Variants in PCDHGA10 observed in about 807,000 individuals in gnomAD.
PCDHGA10 encodes protocadherin gamma-A10.
PCDHGA10 carries 42 observed loss-of-function variants against 59.5 expected under a neutral mutation model. The ratio of observed to expected loss-of-function variants is 0.71; its 90% CI spans 0.55 to 0.91. The LOEUF is 0.91. Among genes scored for constraint, PCDHGA10 ranks in the 40% least tolerant of loss-of-function variants. The pLI, the probability that PCDHGA10 is intolerant of heterozygous loss-of-function variation, is 0.00. For missense variants in PCDHGA10, 1,111 were observed against 1,198.2 expected, an observed-to-expected ratio of 0.93 and a Z score of 1.07; for synonymous variants, 511 against 517.2, an observed-to-expected ratio of 0.99 and a Z score of 0.16.
At chr5:141,417,646 C>A in intron 1 of PCDHGA10, 2 of 797,870 alleles carry the variant, frequency 2.5e-6, no homozygotes, top group Non-Finnish European at 3.8e-6. Context: ...GATCCCTCAG[C>A]CTCTAGCCTG....
chr5:141,413,533 C>T lies in PCDHGA10; in HGVS notation c.358C>T (p.Leu120Phe), dbSNP rs777022301. 1 of 1,613,934 alleles carries T rather than the reference C, an allele frequency of 6.2e-7. No individual in the cohort carries two copies. The highest frequency in any genetic ancestry group is 1.7e-5 in the Admixed American group (1 of 60,026). Residue 120 changes from leucine to phenylalanine, a missense_variant, in exon 1 of 4, where the codon CTT (leucine) becomes TTT (phenylalanine). By Grantham distance (22) the Leu-to-Phe change is conservative. Coordinates refer to ENST00000398610, the MANE Select transcript of PCDHGA10 (RefSeq NM_018913.3). ...TATCCTTGTGGAAGACAGGGTGAAA[C>T]TTTTTGGGATAGAAATAGAAGTAAC... ...FNILVEDRVKLFGIEIEVTDI... is the reference protein window; with the variant it reads ...FNILVEDRVKFFGIEIEVTDI...
chr5:141,413,600 T>C lies in PCDHGA10; in HGVS notation c.425T>C (p.Leu142Pro), dbSNP rs767830855. The C allele has an allele frequency of 3.7e-6, 6 of 1,613,868 alleles. No individual in the cohort carries two copies. The Admixed American group carries it at 8.3e-5, about 22-fold the overall frequency. ...DNAPKFQAEN[L>P]DVKINENVAA... Reference sequence around the variant, plus strand: ...GCTCCAAAATTCCAAGCAGAAAATCTAGACGTAAAAATTAATGAAAATGTC... The same window carrying C: ...GCTCCAAAATTCCAAGCAGAAAATCCAGACGTAAAAATTAATGAAAATGTC... The change falls in exon 1 of 4, where the codon CTA (leucine) becomes CCA (proline). Residue 142 changes from leucine to proline, a missense_variant. Physicochemically the swap from Leu to Pro is moderately conservative, Grantham distance 98 (BLOSUM62 -3). Transcript: ENST00000398610.
intron 1 of PCDHGA10, among the ~76,000 whole-genome samples, chr5:141,464,139 C>T (rs1200161549): frequency 6.6e-6 from 1 of 151,928 alleles, no homozygotes; most frequent in Admixed American, 6.6e-5. Flanking sequence ...GTGGTGGGCG[C>T]CTGTAGTCCC....
chr5:141,473,894 T>C (rs1224416966), intron 1 of PCDHGA10, among the ~76,000 whole-genome samples: 1 of 152,134 alleles, frequency 6.6e-6, no homozygotes, highest in Non-Finnish European at 1.5e-5. Context: ...GTTCTGTTGG[T>C]TCATGAAGAG....
chr5:141,450,569 T>G (rs1325535745), intron 1 of PCDHGA10, among the ~76,000 whole-genome samples: 1 of 149,800 alleles, frequency 6.7e-6, no homozygotes, highest in African/African-American at 2.5e-5. Flanking sequence ...TCACTGCAAC[T>G]TCTGCCTCCC....
At chr5:141,466,058 C>T (rs970494567) in intron 1 of PCDHGA10, among the ~76,000 whole-genome samples, 2 of 152,046 alleles carry the variant, frequency 1.3e-5, no homozygotes, top group African/African-American at 4.8e-5. Flanking sequence ...GGAGACGGAG[C>T]TTGCAGTGAG....
In PCDHGA10 at chr5:141,489,493, G is replaced by C. The variant is rs1485293604; in HGVS notation, c.2437-5314G>C. 3 of 1,614,078 alleles carry C rather than the reference G, an allele frequency of 1.9e-6. No homozygotes were observed. The South Asian group carries it at 3.3e-5, about 18-fold the overall frequency. On this transcript the variant is annotated intron_variant, in intron 1 of 3. Coordinates refer to ENST00000398610, the MANE Select transcript of PCDHGA10 (RefSeq NM_018913.3). This position sits in a 1 kb window ranked among gnomAD's most constrained non-coding sequence, Gnocchi z 4.5. Reference sequence around the variant, plus strand: ...CCTGAGCTTGATGAGTGGTGCCCTGGCAGTGAATCAAAAGATTGACCGAGA... The same window carrying C: ...CCTGAGCTTGATGAGTGGTGCCCTGCCAGTGAATCAAAAGATTGACCGAGA...
chr5:141,512,942 C>T lies in PCDHGA10; in HGVS notation c.*1769C>T, dbSNP rs1596321854. 3.3e-5 allele frequency: 5 copies of T among 151,644 alleles called. No individual in the cohort carries two copies. The South Asian group carries it at 1.0e-3, about 32-fold the overall frequency. The allele number at this position is 151,644 out of a possible 1,614,324, so 9.4% of individuals were successfully genotyped here. On this transcript the variant is annotated 3_prime_UTR_variant, in exon 4 of 4. Transcript: ENST00000398610. Reference sequence around the variant, plus strand: ...TAATATTTATATGGCTTTTTTTCTTCGACAAAAAAATAATAAAACGTTTCT... The same window carrying T: ...TAATATTTATATGGCTTTTTTTCTTTGACAAAAAAATAATAAAACGTTTCT...
chr5:141,502,518 T>C (rs1388007900), intron 2 of PCDHGA10, among the ~76,000 whole-genome samples: 1 of 152,184 alleles, frequency 6.6e-6, no homozygotes, highest in Non-Finnish European at 1.5e-5. Flanking sequence ...CCACTATCAG[T>C]GATGCCGAGT....
intron 1 of PCDHGA10, chr5:141,422,697 C>T (rs1406213402): frequency 3.7e-6 from 6 of 1,603,284 alleles, no homozygotes; most frequent in South Asian, 1.1e-5. Flanking sequence ...TGGTCACTTA[C>T]TCTCTGACGG....
intron 1 of PCDHGA10, chr5:141,418,454 ACTCTG>A (rs2096260396): frequency 3.1e-6 from 5 of 1,613,892 alleles, no homozygotes; most frequent in Non-Finnish European, 4.2e-6. Context: ...ATTGCAGAAG[ACTCTG>A]GACCGAGAAA....
chr5:141,492,851 C>T (rs1289268967), intron 1 of PCDHGA10, among the ~76,000 whole-genome samples: 2 of 152,204 alleles, frequency 1.3e-5, no homozygotes, highest in Non-Finnish European at 2.9e-5. Flanking sequence ...GTGAAAGCCT[C>T]GAGCGCCCTG....
Position 141,511,285 on chromosome 5 carries a change from G to C in PCDHGA10, c.*112G>C. On this transcript the variant is annotated 3_prime_UTR_variant, in exon 4 of 4. Coordinates refer to ENST00000398610, the MANE Select transcript of PCDHGA10 (RefSeq NM_018913.3). Reference sequence around the variant, plus strand: ...GGGCTAACCCCCAGAATACTGGTAGGGGCCAAGGCCATGCTCCCCTTGGGA... The same window carrying C: ...GGGCTAACCCCCAGAATACTGGTAGCGGCCAAGGCCATGCTCCCCTTGGGA... 1 of 1,521,904 alleles carries C rather than the reference G, an allele frequency of 6.6e-7. No homozygotes were observed. The highest frequency in any genetic ancestry group is 8.8e-7 in the Non-Finnish European group (1 of 1,131,664). 94.3% of individuals were successfully genotyped at this position (1,521,904 alleles called of 1,614,324 possible).
At chr5:141,420,230 A>G (rs758649822) in intron 1 of PCDHGA10, 3 of 1,601,528 alleles carry the variant, frequency 1.9e-6, no homozygotes, top group Admixed American at 1.7e-5. Flanking sequence ...ACTGGCTAGC[A>G]TTTTAACTCC....
rs1173306822 is a variant in PCDHGA10, at chr5:141,431,115, T to G, written c.2436+15504T>G. The G allele has an allele frequency of 6.2e-7, 1 of 1,613,608 alleles. No homozygotes were observed. Among genetic ancestry groups the G allele is most frequent in the East Asian group, 2.2e-5 (1 of 44,840 alleles). ...GAGGATAAAGTGAAAATATATGGAG[T>G]AGAAGTAGAAGTAAGGGACATTAAC... On this transcript the variant is annotated intron_variant, in intron 1 of 3. Transcript: ENST00000398610. This position sits in a 1 kb window ranked among gnomAD's most constrained non-coding sequence, Gnocchi z 4.8.
At chr5:141,461,817 C>A (rs2099023873) in intron 1 of PCDHGA10, among the ~76,000 whole-genome samples, 1 of 150,844 alleles carries the variant, frequency 6.6e-6, no homozygotes, top group South Asian at 2.1e-4. Flanking sequence ...CCACACCCAG[C>A]TAATTTTTTT....
intron 1 of PCDHGA10, among the ~76,000 whole-genome samples, chr5:141,472,555 A>T (rs1360460094): frequency 6.6e-6 from 1 of 152,024 alleles, no homozygotes; most frequent in South Asian, 2.1e-4. Flanking sequence ...AAAAAAAATT[A>T]TATTATAAAT....
intron 1 of PCDHGA10, chr5:141,433,151 G>T (rs2097572071): frequency 1.2e-6 from 2 of 1,614,006 alleles, no homozygotes; most frequent in African/African-American, 1.3e-5. Context: ...AGGTGATTCG[G>T]TATTTTCTAA....
chr5:141,499,921 C>A, intron 2 of PCDHGA10, among the ~76,000 whole-genome samples: 1 of 152,128 alleles, frequency 6.6e-6, no homozygotes, highest in Middle Eastern at 3.2e-3. Context: ...CTCCTGGCCT[C>A]AAGTGATCCA....
Sources: allele counts gnomAD v4.1 joint callset (sites outside exome capture counted in the v4.1 genomes callset), GRCh38; gene constraint gnomAD v4.1.1; non-coding constraint Gnocchi (gnomAD v3.1); transcripts MANE v1.5; gene names NCBI Gene and HGNC (gene_info 2026-07-23, HGNC 2026-07-21).